CC2D2B: variants seen among roughly 807,000 people sequenced by gnomAD.
The protein encoded by CC2D2B is protein CC2D2B.
CC2D2B carries 128 observed loss-of-function variants against 161.2 expected under a neutral mutation model. The observed-to-expected ratio is 0.79, with a 90% CI of 0.69 to 0.92. The LOEUF (loss-of-function observed/expected upper bound fraction) is 0.92. Ranked by LOEUF, CC2D2B falls within the 40% of genes least tolerant of loss-of-function variation. The probability of loss-of-function intolerance (pLI) is 0.00; values close to 1 mark genes in which losing one functional copy is unlikely to be tolerated. For synonymous variants in CC2D2B, 391 were observed against 449.8 expected, an observed-to-expected ratio of 0.87 and a Z score of 1.65; for missense variants, 1,173 against 1,375.1, an observed-to-expected ratio of 0.85 and a Z score of 2.32.
intron 17 of CC2D2B, among the ~76,000 whole-genome samples, chr10:95,980,361 T>C (rs1240852311): frequency 1.3e-5 from 2 of 152,234 alleles, no homozygotes; most frequent in African/African-American, 4.8e-5. Context: ...TTACTTTCTC[T>C]GAGGCAGAAA....
chr10:96,012,571 T>A lies in CC2D2B; in HGVS notation c.3268T>A (p.Phe1090Ile). 3 of 1,613,320 alleles carry A rather than the reference T, an allele frequency of 1.9e-6. No individual in the cohort carries two copies. The highest frequency in any genetic ancestry group is 2.5e-6 in the Non-Finnish European group (3 of 1,179,386). Reference protein sequence around the residue: ...QTEVLQRAQIFKKNCKAMFPN... With the variant: ...QTEVLQRAQIIKKNCKAMFPN... Reference sequence around the variant, plus strand: ...AGAGGTCTTGCAGAGAGCACAGATTTTTAAAAAGAATTGTAAGGCAATGTT... The same window carrying A: ...AGAGGTCTTGCAGAGAGCACAGATTATTAAAAAGAATTGTAAGGCAATGTT... Residue 1090 changes from phenylalanine to isoleucine, a missense_variant, in exon 28 of 35, where the codon TTT becomes ATT. Phe to Ile is a conservative substitution (Grantham distance 21). Around this residue, in one of 3 missense-constraint regions of CC2D2B, gnomAD observed 598 missense variants for 693.2 expected, o/e 0.86. Transcript: ENST00000646931.
intron 18 of CC2D2B, 138 bp from the exon 19 acceptor site, chr10:95,983,468 G>A (rs201834964): frequency 3.2e-6 from 1 of 313,082 alleles, no homozygotes; most frequent in African/African-American, 2.9e-5. Context: ...TTTTTTGTAT[G>A]TTCTAGACTA....
intron 9 of CC2D2B, among the ~76,000 whole-genome samples, chr10:95,942,963 G>A (rs2076072517): frequency 6.6e-6 from 1 of 151,978 alleles, no homozygotes; most frequent in African/African-American, 2.4e-5. Context: ...AATATATTGT[G>A]GCTGGATTTC....
intron 7 of CC2D2B, 137 bp from the exon 8 acceptor site, chr10:95,938,432 A>C (rs1425468385): frequency 5.0e-6 from 3 of 601,740 alleles, no homozygotes; most frequent in African/African-American, 1.9e-5. Context: ...GCGAGAAAGT[A>C]AGAGACAGTG....
In CC2D2B at chr10:96,032,821, G is replaced by C. The variant is rs764806005; in HGVS notation, c.*813G>C. 1 of 469,638 alleles carries C rather than the reference G, an allele frequency of 2.1e-6. No individual in the cohort carries two copies. Among genetic ancestry groups the C allele is most frequent in the African/African-American group, 2.0e-5 (1 of 50,000 alleles). 29.1% of individuals were successfully genotyped at this position (469,638 alleles called of 1,614,324 possible). A position where few individuals can be genotyped will look rare whatever the true frequency, so the allele number is the denominator to read the frequency against. ...ATTCTGTGAGGGAGGAAATGGTCTT[G>C]ACAAATCTCAGGACTCTTTTTTTCC... On this transcript the variant is annotated 3_prime_UTR_variant, in exon 35 of 35. Coordinates refer to ENST00000646931, the MANE Select transcript of CC2D2B (RefSeq NM_001349008.3).
chr10:95,962,599 C>T (rs553145472), intron 12 of CC2D2B, among the ~76,000 whole-genome samples: 2 of 152,216 alleles, frequency 1.3e-5, no homozygotes, highest in South Asian at 4.2e-4. Context: ...ATAATTCAAA[C>T]CCAAACACTT....
At chr10:96,009,602 G>A (rs1212433109) in intron 25 of CC2D2B, among the ~76,000 whole-genome samples, 1 of 151,950 alleles carries the variant, frequency 6.6e-6, no homozygotes, top group Non-Finnish European at 1.5e-5. Flanking sequence ...CTTTACACAA[G>A]TCATAAACTC....
rs2098526405 is a variant in CC2D2B at position 95,921,165 on chromosome 10, G to C, written c.37-851G>C. ...CCAGAGTGCTTTAGCCAATGGTGGT[G>C]GGGCTAGCTGGAAGTCAGGTTCTGA... On this transcript the variant is annotated intron_variant, in intron 2 of 34. Coordinates refer to ENST00000646931, the MANE Select transcript of CC2D2B (RefSeq NM_001349008.3). The C allele has an allele frequency of 2.0e-5, 3 of 152,314 alleles. No homozygotes were observed. In the South Asian group the frequency reaches 6.2e-4, roughly 32 times the overall value. 9.4% of individuals were successfully genotyped at this position (152,314 alleles called of 1,614,324 possible). A position where few individuals can be genotyped will look rare whatever the true frequency, so the allele number is the denominator to read the frequency against.
At chr10:95,980,673 C>T (rs1410562409) in intron 17 of CC2D2B, among the ~76,000 whole-genome samples, 3 of 152,092 alleles carry the variant, frequency 2.0e-5, no homozygotes, top group South Asian at 2.1e-4. Flanking sequence ...TTCACCTGTT[C>T]GTAATTTTCC....
rs977580807 is a variant in CC2D2B at position 95,927,256 on chromosome 10, T to G, written c.260T>G (p.Val87Gly). 6.5e-7 allele frequency: 1 copy of G among 1,548,618 alleles called. No individual in the cohort carries two copies. Among genetic ancestry groups the G allele is most frequent in the Non-Finnish European group, 8.7e-7 (1 of 1,144,092 alleles). Residue 87 changes from valine to glycine, a missense_variant, in exon 6 of 35, where the codon GTC becomes GGC. Physicochemically the swap from Val to Gly is moderately radical, Grantham distance 109 (BLOSUM62 -3). This residue lies in a region of CC2D2B where 298 missense variants were observed against 261.2 expected (regional missense o/e 1.14). Coordinates refer to ENST00000646931, the MANE Select transcript of CC2D2B (RefSeq NM_001349008.3). ...TCATAGTTGTCTCCACAGACTGAAG[T>G]CTCATTGGATGAAAGTCTTTCATTT... ...QRSKLSPQTE[V>G]SLDESLSFFI...
At chr10:95,979,852 G>A (rs2077448066) in intron 17 of CC2D2B, among the ~76,000 whole-genome samples, 1 of 152,194 alleles carries the variant, frequency 6.6e-6, no homozygotes, top group Admixed American at 6.5e-5. Flanking sequence ...ACAACATTGT[G>A]AGTGTACTTA....
chr10:95,989,913 T>C (rs547204512), intron 20 of CC2D2B, among the ~76,000 whole-genome samples: 1 of 152,344 alleles, frequency 6.6e-6, no homozygotes, highest in Non-Finnish European at 1.5e-5. Flanking sequence ...AATCCTTCTA[T>C]GAGAGGAACT....
chr10:95,908,323 C>T (rs1302006599), intron 1 of CC2D2B, among the ~76,000 whole-genome samples: 1 of 152,192 alleles, frequency 6.6e-6, no homozygotes, highest in Non-Finnish European at 1.5e-5. Flanking sequence ...TCAGTGCCTA[C>T]TGTGTGTGCT....
At chr10:95,940,371 T>C (rs1257357064) in intron 9 of CC2D2B, among the ~76,000 whole-genome samples, 1 of 152,188 alleles carries the variant, frequency 6.6e-6, no homozygotes, top group Non-Finnish European at 1.5e-5. Flanking sequence ...TAATTGTGCT[T>C]TTTGATGGGA....
chr10:95,986,875 G>C (rs2077751577), intron 19 of CC2D2B, among the ~76,000 whole-genome samples: 1 of 152,028 alleles, frequency 6.6e-6, no homozygotes, highest in South Asian at 2.1e-4. Context: ...AGGATTACAG[G>C]CATGAGCCAC....
At chr10:95,993,701 G>A (rs1416271687) in intron 22 of CC2D2B, among the ~76,000 whole-genome samples, 2 of 147,084 alleles carry the variant, frequency 1.4e-5, no homozygotes, top group Non-Finnish European at 3.0e-5. Context: ...AAAGAATATT[G>A]TAACACCAAA....
chr10:95,940,699 G>A (rs954814745), intron 9 of CC2D2B, among the ~76,000 whole-genome samples: 2 of 152,194 alleles, frequency 1.3e-5, no homozygotes, highest in Admixed American at 6.5e-5. Flanking sequence ...ACATTAGTCA[G>A]CTGACCATCT....
At chr10:96,027,532 G>A in intron 34 of CC2D2B, 143 bp downstream of exon 34, 3 of 555,500 alleles carry the variant, frequency 5.4e-6, no homozygotes, top group Non-Finnish European at 9.0e-6. Flanking sequence ...TACACTTACT[G>A]AAGAATCAAT....
intron 24 of CC2D2B, 136 bp from the exon 25 acceptor site, chr10:96,004,016 T>C (rs1216726395): frequency 5.3e-6 from 3 of 562,986 alleles, no homozygotes; most frequent in African/African-American, 2.0e-5. Context: ...CTTCAGAACA[T>C]AGAACTTTTT....
Sources: gnomAD v4.1 joint callset for allele counts (sites outside exome capture counted in the v4.1 genomes callset) on GRCh38, gnomAD v4.1.1 for gene constraint, gnomAD v4.1.1 regional missense constraint, MANE v1.5 for transcripts, NCBI Gene and HGNC (gene_info 2026-07-23, HGNC 2026-07-21) for gene names.